Variants in GAP43 observed in about 807,000 individuals in gnomAD.
GAP43 encodes the protein neuromodulin.
GAP43 carries 6 observed loss-of-function variants against 18.6 expected under a neutral mutation model. That is an observed-to-expected ratio of 0.32 (90% confidence interval 0.18 to 0.64). The LOEUF is 0.64. Ranked by LOEUF, GAP43 falls within the 30% of genes least tolerant of loss-of-function variation. The pLI is 0.78. For synonymous variants in GAP43, 115 were observed against 111.4 expected (o/e 1.03, Z -0.20); for missense variants, 292 against 295.5 (o/e 0.99, Z 0.09).
chr3:115,719,188 CT>C (rs1709546765), intron 2 of GAP43, among the ~76,000 whole-genome samples: 1 of 152,008 alleles, frequency 6.6e-6, no homozygotes, highest in South Asian at 2.1e-4. Context: ...TAATCAGCAC[CT>C]AGTAGTTGTT....
At chr3:115,650,017 C>T (rs547796706) in intron 1 of GAP43, among the ~76,000 whole-genome samples, 4 of 152,090 alleles carry the variant, frequency 2.6e-5, no homozygotes, top group Non-Finnish European at 1.5e-5. Flanking sequence ...GATCACCTGA[C>T]ATAGTGTCAC....
chr3:115,679,911 T>C (rs1231597665), intron 2 of GAP43, among the ~76,000 whole-genome samples: 1 of 152,214 alleles, frequency 6.6e-6, no homozygotes, highest in Non-Finnish European at 1.5e-5. Context: ...TTTATTTTCA[T>C]GGTCTCAGTA....
intron 1 of GAP43, among the ~76,000 whole-genome samples, chr3:115,624,182 T>G (rs1397818925): frequency 6.6e-6 from 1 of 152,200 alleles, no homozygotes; most frequent in African/African-American, 2.4e-5. Context: ...CTGCGGAAGA[T>G]GCCTTATTTC....
chr3:115,708,726 A>G (rs143524786), intron 2 of GAP43, among the ~76,000 whole-genome samples: 88 of 152,246 alleles, frequency 5.8e-4, no homozygotes, highest in African/African-American at 1.5e-3. Flanking sequence ...CCTATTTTCT[A>G]TACCTTACCC....
intron 2 of GAP43, among the ~76,000 whole-genome samples, chr3:115,684,415 G>A (rs1709008277): frequency 6.6e-6 from 1 of 152,084 alleles, no homozygotes; most frequent in Non-Finnish European, 1.5e-5. Context: ...ACAAAGTGAA[G>A]GATATAATTT....
At chr3:115,716,468 A>G (rs1709503203) in intron 2 of GAP43, among the ~76,000 whole-genome samples, 1 of 151,798 alleles carries the variant, frequency 6.6e-6, no homozygotes, top group African/African-American at 2.4e-5. Flanking sequence ...ATTTTTAAAA[A>G]ATGTTATCAT....
intron 1 of GAP43, among the ~76,000 whole-genome samples, chr3:115,625,077 A>T (rs367846802): frequency 1.3e-5 from 2 of 152,210 alleles, no homozygotes; most frequent in East Asian, 3.9e-4. Context: ...GAGAAGAAAC[A>T]GCCTGCCAGC....
chr3:115,690,734 C>CTT (rs764462426), intron 2 of GAP43, among the ~76,000 whole-genome samples: 2 of 131,476 alleles, frequency 1.5e-5, no homozygotes, highest in African/African-American at 2.8e-5. Flanking sequence ...CTGGGCAAAT[C>CTT]TTTTTTTTTT....
intron 1 of GAP43, among the ~76,000 whole-genome samples, chr3:115,664,894 T>C (rs1708713126): frequency 1.3e-5 from 2 of 151,978 alleles, no homozygotes; most frequent in African/African-American, 4.8e-5. Flanking sequence ...ACCCCAGTCC[T>C]GAAAAAAGGC....
At chr3:115,683,470 A>T (rs1197796770) in intron 2 of GAP43, among the ~76,000 whole-genome samples, 1 of 152,146 alleles carries the variant, frequency 6.6e-6, no homozygotes, top group Non-Finnish European at 1.5e-5. Flanking sequence ...GAATATAAAG[A>T]GTTGAAAATG....
chr3:115,624,300 ATTT>A (rs3086960), intron 1 of GAP43, among the ~76,000 whole-genome samples: 43,216 of 149,326 alleles, frequency 0.29, 6,458 homozygotes, highest in Admixed American at 0.41. Context: ...GATTTGATAG[ATTT>A]TTTTTTTTTT....
intron 1 of GAP43, among the ~76,000 whole-genome samples, chr3:115,671,051 T>C (rs1474717044): frequency 1.3e-5 from 2 of 152,224 alleles, no homozygotes; most frequent in African/African-American, 4.8e-5. Context: ...TTTAATTTGC[T>C]TGGAAGGTTG....
rs927791811 is a variant in GAP43 at position 115,651,825 on chromosome 3, G to A, written c.31-24188G>A. The stretch of plus-strand genomic sequence containing the variant: ...TTCTCAGCCTTCACTTAACATTTTC[G>A]CATTGACTGTGCTGAACACTTCTTA... On this transcript the variant is annotated intron_variant, in intron 1 of 2. Transcript: ENST00000305124. Among the ~76,000 whole-genome samples the A allele has an allele frequency of 4.3e-4, 66 of 151,924 alleles. 1 individual carries two copies. The highest frequency in any genetic ancestry group is 1.4e-3 in the African/African-American group (56 of 41,424).
intron 2 of GAP43, among the ~76,000 whole-genome samples, chr3:115,702,107 G>A (rs1166920314): frequency 6.6e-6 from 1 of 152,082 alleles, no homozygotes; most frequent in East Asian, 1.9e-4. Flanking sequence ...CATAGGATTG[G>A]AGCCAGGAAT....
At chr3:115,691,553 T>C (rs1482411184) in intron 2 of GAP43, among the ~76,000 whole-genome samples, 1 of 152,252 alleles carries the variant, frequency 6.6e-6, no homozygotes, top group East Asian at 1.9e-4. Flanking sequence ...AAGTCACCAT[T>C]GTTCCTGTTC....
rs763795787 is a variant in GAP43 at position 115,644,522 on chromosome 3, T to C, written c.30+20803T>C. 6.6e-6 allele frequency among the ~76,000 whole-genome samples: 1 copy of C among 152,026 alleles called. No homozygotes were observed. The highest frequency in any genetic ancestry group is 2.4e-5 in the African/African-American group (1 of 41,424). On this transcript the variant is annotated intron_variant, in intron 1 of 2. Coordinates refer to ENST00000305124, the MANE Select transcript of GAP43 (RefSeq NM_002045.4). The surrounding 1 kb of genome is among the most constrained non-coding windows in gnomAD (Gnocchi z 4.2). The stretch of plus-strand genomic sequence containing the variant: ...CCAGTTAATCTTCAAAGAGTCAACA[T>C]GGCAAAAACATTCCAAGATAAAAAT...
Position 115,720,971 on chromosome 3 carries a change from C to A in GAP43, c.*89C>A. On this transcript the variant is annotated 3_prime_UTR_variant, in exon 3 of 3. Coordinates refer to ENST00000305124, the MANE Select transcript of GAP43 (RefSeq NM_002045.4). ...TCTTCTCAGCTCCACTCTGAAGTCCCTTCCTGTCCTGCTCACGTCTGTGAG... is the reference window on the plus strand; with the variant it reads ...TCTTCTCAGCTCCACTCTGAAGTCCATTCCTGTCCTGCTCACGTCTGTGAG... The A allele has an allele frequency of 1.3e-5, 10 of 777,392 alleles. No individual in the cohort carries two copies. Among genetic ancestry groups the A allele is most frequent in the Non-Finnish European group, 2.1e-5 (10 of 466,940 alleles). 48.2% of individuals were successfully genotyped at this position (777,392 alleles called of 1,614,324 possible).
chr3:115,716,481 G>A (rs2107379837), intron 2 of GAP43, among the ~76,000 whole-genome samples: 1 of 151,308 alleles, frequency 6.6e-6, no homozygotes, highest in East Asian at 2.0e-4. Flanking sequence ...GTTATCATGA[G>A]TTCTTAGTTT....
intron 2 of GAP43, among the ~76,000 whole-genome samples, chr3:115,683,147 G>GCGCGCACGCA (rs1252333447): frequency 7.8e-6 from 1 of 127,396 alleles, no homozygotes; most frequent in Non-Finnish European, 1.7e-5. Flanking sequence ...GCGCGCGCGC[G>GCGCGCACGCA]CACACACACA....
Sources: gnomAD v4.1 joint callset for allele counts (sites outside exome capture counted in the v4.1 genomes callset) on GRCh38, gnomAD v4.1.1 for gene constraint, Gnocchi (gnomAD v3.1) non-coding constraint, MANE v1.5 for transcripts, NCBI Gene and HGNC (gene_info 2026-07-23, HGNC 2026-07-21) for gene names.